The following MYCBP2 variants were observed in gnomAD, a reference collection of about 807,000 sequenced individuals.
MYCBP2 encodes the protein MYC binding protein 2.
Under a neutral mutation model 525.3 loss-of-function variants are expected in MYCBP2, and 120 were observed. The ratio of observed to expected loss-of-function variants is 0.23; its 90% CI spans 0.20 to 0.27. The LOEUF (loss-of-function observed/expected upper bound fraction) is 0.27. MYCBP2 is among the 10% of genes least tolerant of loss of function. The pLI is 1.00. For synonymous variants in MYCBP2, 1,894 were observed against 1,955.8 expected, an observed-to-expected ratio of 0.97 and a Z score of 0.83; for missense variants, 4,149 against 5,657.1, an observed-to-expected ratio of 0.73 and a Z score of 8.55.
chr13:77,305,899 A>G (rs1174728949), intron 1 of MYCBP2, among the ~76,000 whole-genome samples: 1 of 152,176 alleles, frequency 6.6e-6, no homozygotes, highest in Non-Finnish European at 1.5e-5. Context: ...AATACAGATT[A>G]TCTATAAAAA....
intron 14 of MYCBP2, 82 bp downstream of exon 14, chr13:77,257,589 G>C: frequency 7.4e-7 from 1 of 1,358,686 alleles, no homozygotes; most frequent in Non-Finnish European, 9.8e-7. Flanking sequence ...ATTTTGAAAA[G>C]AACAAGACTT....
At chr13:77,115,077 T>C (rs1272463587) in intron 55 of MYCBP2, among the ~76,000 whole-genome samples, 2 of 151,958 alleles carry the variant, frequency 1.3e-5, no homozygotes, top group Non-Finnish European at 2.9e-5. Context: ...GAAGATGTTC[T>C]CTGAGTAAAC....
chr13:77,088,859 T>C lies in MYCBP2; in HGVS notation c.10698A>G (p.Lys3566=), dbSNP rs2044844653. ...LEIAMKQALR[K]SACRVFAMEA... is the part of the protein sequence containing the mutation. ...CCATAGCAAAAACTCGACAAGCAGA[T>C]TTCCTTAGGGCCTGTTTCATTGCTA... The change falls in exon 61 of 83, where the codon AAA becomes AAG. Residue 3566 remains lysine, a synonymous_variant. Coordinates refer to ENST00000544440, the MANE Select transcript of MYCBP2 (RefSeq NM_015057.5). The C allele has an allele frequency of 7.4e-6, 12 of 1,612,346 alleles. No individual in the cohort carries two copies. Among genetic ancestry groups the C allele is most frequent in the Non-Finnish European group, 9.3e-6 (11 of 1,178,960 alleles).
In MYCBP2 at chr13:77,067,910, T is replaced by C. The variant is rs1291014851; in HGVS notation, c.12172-46A>G. ...AGAGAATTCCATGTAAAGACTAATGTTTTAAGGTTTCTTTTATTTCTCTTT... is the reference window on the plus strand; with the variant it reads ...AGAGAATTCCATGTAAAGACTAATGCTTTAAGGTTTCTTTTATTTCTCTTT... On this transcript the variant is annotated intron_variant, in intron 70 of 82. Coordinates refer to ENST00000544440, the MANE Select transcript of MYCBP2 (RefSeq NM_015057.5). 3.3e-6 allele frequency: 5 copies of C among 1,520,816 alleles called. No homozygotes were observed. The East Asian group carries it at 1.1e-4, about 34-fold the overall frequency. The allele number at this position is 1,520,816 out of a possible 1,614,324, so 94.2% of individuals were successfully genotyped here.
Position 77,326,848 on chromosome 13 carries a change from G to A in MYCBP2, c.-73C>T, listed in dbSNP as rs1436327365. The A allele has an allele frequency of 3.0e-6, 4 of 1,327,912 alleles. No homozygotes were observed. The highest frequency in any genetic ancestry group is 3.8e-6 in the Non-Finnish European group (4 of 1,042,374). The allele number at this position is 1,327,912 out of a possible 1,614,324, so 82.3% of individuals were successfully genotyped here. A position where few individuals can be genotyped will look rare whatever the true frequency, so the allele number is the denominator to read the frequency against. On this transcript the variant is annotated 5_prime_UTR_variant, in exon 1 of 83. Transcript: ENST00000544440. The surrounding 1 kb of genome is among the most constrained non-coding windows in gnomAD (Gnocchi z 4.2). ...GGGCAGACACGCGCGCGCACACACAGCCCTTTTCCAACGACGACGGCTCCG... is the reference window on the plus strand; with the variant it reads ...GGGCAGACACGCGCGCGCACACACAACCCTTTTCCAACGACGACGGCTCCG...
chr13:77,111,463 G>A (rs1267677267), intron 55 of MYCBP2, among the ~76,000 whole-genome samples: 5 of 150,556 alleles, frequency 3.3e-5, no homozygotes, highest in Admixed American at 1.3e-4. Flanking sequence ...TAAGAGGCAG[G>A]GTCTTGCTCT....
chr13:77,244,791 T>C (rs1397448509), intron 15 of MYCBP2, among the ~76,000 whole-genome samples: 1 of 152,118 alleles, frequency 6.6e-6, no homozygotes, highest in Non-Finnish European at 1.5e-5. Context: ...ATATCCAGAA[T>C]CTACAAAGAA....
At chr13:77,050,787 C>T (rs771811476) in intron 82 of MYCBP2, among the ~76,000 whole-genome samples, 4 of 152,146 alleles carry the variant, frequency 2.6e-5, no homozygotes, top group Admixed American at 2.6e-4. Context: ...AGATCTGCTC[C>T]GTCACAGCTA....
intron 26 of MYCBP2, among the ~76,000 whole-genome samples, chr13:77,195,380 T>C (rs2061658811): frequency 1.3e-5 from 2 of 152,190 alleles, no homozygotes; most frequent in South Asian, 2.1e-4. Flanking sequence ...GCAGATCATA[T>C]GAGGTCACGA....
At chr13:77,143,784 C>T (rs2055069285) in intron 49 of MYCBP2, among the ~76,000 whole-genome samples, 2 of 152,096 alleles carry the variant, frequency 1.3e-5, no homozygotes, top group South Asian at 2.1e-4. Context: ...TATGGTACAG[C>T]CTATTGGTCT....
intron 17 of MYCBP2, among the ~76,000 whole-genome samples, chr13:77,235,354 G>A (rs2067755612): frequency 6.6e-6 from 1 of 151,898 alleles, no homozygotes; most frequent in South Asian, 2.1e-4. Flanking sequence ...AGGAAAGGAA[G>A]AGAGGGCATT....
chr13:77,216,424 G>A (rs1031524058), intron 21 of MYCBP2, among the ~76,000 whole-genome samples: 1 of 152,102 alleles, frequency 6.6e-6, no homozygotes, highest in African/African-American at 2.4e-5. Flanking sequence ...ATGAGAAGCA[G>A]GCATCTTAAA....
intron 55 of MYCBP2, 92 bp downstream of exon 55, chr13:77,121,281 T>C: frequency 8.7e-7 from 1 of 1,153,308 alleles, no homozygotes; most frequent in Non-Finnish European, 1.1e-6. Flanking sequence ...AATAAAGATT[T>C]CTGGGTGAAC....
chr13:77,189,092 G>A (rs542997812), intron 29 of MYCBP2, 45 bp from the exon 30 acceptor site: 2 of 1,373,436 alleles, frequency 1.5e-6, no homozygotes, highest in African/African-American at 3.0e-5. Flanking sequence ...AAAGTCCAAT[G>A]TCATTTTTTC....
intron 6 of MYCBP2, 105 bp downstream of exon 6, chr13:77,270,191 A>C (rs2074682111): frequency 1.4e-6 from 2 of 1,435,206 alleles, no homozygotes; most frequent in Non-Finnish European, 1.9e-6. Context: ...ATATTATTAC[A>C]CTAAAATTAG....
intron 54 of MYCBP2, among the ~76,000 whole-genome samples, chr13:77,123,121 C>T (rs1036631652): frequency 6.6e-6 from 1 of 152,296 alleles, no homozygotes; most frequent in East Asian, 1.9e-4. Flanking sequence ...ATATAAATTA[C>T]CATAGTGCCA....
At chr13:77,197,564 T>C (rs755277278) in intron 26 of MYCBP2, among the ~76,000 whole-genome samples, 6 of 152,150 alleles carry the variant, frequency 3.9e-5, no homozygotes, top group Non-Finnish European at 8.8e-5. Flanking sequence ...GATTATGGTA[T>C]GCTGATGGCT....
chr13:77,199,957 A>G (rs980227708), intron 26 of MYCBP2, among the ~76,000 whole-genome samples: 9 of 152,242 alleles, frequency 5.9e-5, no homozygotes, highest in African/African-American at 2.2e-4. Flanking sequence ...CAGAGCAGAA[A>G]AACTGGAAAC....
At chr13:77,068,350 C>T (rs1202326888) in intron 70 of MYCBP2, among the ~76,000 whole-genome samples, 1 of 148,670 alleles carries the variant, frequency 6.7e-6, no homozygotes, top group East Asian at 2.0e-4. Flanking sequence ...ACTCTCTTAT[C>T]ACAACACATT....
Sources: allele counts gnomAD v4.1 joint callset (sites outside exome capture counted in the v4.1 genomes callset), GRCh38; gene constraint gnomAD v4.1.1; non-coding constraint Gnocchi (gnomAD v3.1); transcripts MANE v1.5; gene names NCBI Gene and HGNC (gene_info 2026-07-23, HGNC 2026-07-21).